Variants in NUTM1 observed in about 807,000 individuals in gnomAD.
NUTM1 encodes NUT family member 1.
A neutral mutation model predicts 88.7 loss-of-function variants in NUTM1; 39 were observed. The observed-to-expected ratio is 0.44, with a 90% CI of 0.34 to 0.57. The LOEUF (loss-of-function observed/expected upper bound fraction) is 0.57. Ranked by LOEUF, NUTM1 falls within the 20% of genes least tolerant of loss-of-function variation. NUTM1 has a pLI of 0.01. For synonymous variants in NUTM1, 494 were observed against 538.0 expected (o/e 0.92, Z 1.13); for missense variants, 1,350 against 1,414.5 (o/e 0.95, Z 0.73).
Position 34,357,231 on chromosome 15 carries a change from G to A in NUTM1, c.3223G>A (p.Gly1075Ser). 3 of 1,614,084 alleles carry A rather than the reference G, an allele frequency of 1.9e-6. No homozygotes were observed. Among genetic ancestry groups the A allele is most frequent in the Non-Finnish European group, 1.7e-6 (2 of 1,180,018 alleles). ...TCCTCACCATGCCTCAGGAGGTCAG[G>A]GCAGCCAGAGAGCATCCCACCTGCT... ...LSPHHASGGQ[G>S]SQRASHLLPA... The change falls in exon 8 of 8, where the codon GGC (glycine) becomes AGC (serine). Residue 1075 changes from glycine to serine, a missense_variant. Coordinates refer to ENST00000537011, the MANE Select transcript of NUTM1 (RefSeq NM_001284292.2).
At position 34,346,881 on chromosome 15, in the gene NUTM1, T is replaced by TAAAAAAAAAAAAAA. The variant is rs10671676; in HGVS notation, c.100+859_100+872dup. Among the ~76,000 whole-genome samples the TAAAAAAAAAAAAAA allele has an allele frequency of 5.8e-5, 2 of 34,324 alleles. 1 individual carries two copies. The highest frequency in any genetic ancestry group is 2.2e-3 in the East Asian group (2 of 892). 22.5% of individuals were successfully genotyped at this position (34,324 alleles called of 152,430 possible). A position where few individuals can be genotyped will look rare whatever the true frequency, so the allele number is the denominator to read the frequency against. On this transcript the variant is annotated intron_variant, in intron 2 of 7. Coordinates refer to ENST00000537011, the MANE Select transcript of NUTM1 (RefSeq NM_001284292.2). The stretch of plus-strand genomic sequence containing the variant: ...ATGGGCCACAGAGCAAGACTCCATC[T>TAAAAAAAAAAAAAA]AAAAAAAAAAAAAAAAAAAAAAAAA...
intron 2 of NUTM1, 57 bp from the exon 3 acceptor site, chr15:34,347,912 G>T: frequency 1.0e-6 from 1 of 984,898 alleles, no homozygotes. Flanking sequence ...AATTCAGATG[G>T]CTAACTCTGG....
In NUTM1 at chr15:34,357,430, G is replaced by T; in HGVS notation, c.3422G>T (p.Arg1141Leu). Residue 1141 changes from arginine to leucine, a missense_variant, in exon 8 of 8, where the codon CGT becomes CTT. Arg to Leu is a moderately radical substitution (Grantham distance 102). Around this residue, in one of 5 missense-constraint regions of NUTM1, gnomAD observed 730 missense variants for 728.8 expected, o/e 1.00. Coordinates refer to ENST00000537011, the MANE Select transcript of NUTM1 (RefSeq NM_001284292.2). ...GGAGTAGTTCGACCCTCACAGCCTC[G>T]TAAAAGGCGGTGTGACAGTTTTGTC... ...ALGVVRPSQP[R>L]KRRCDSFVTG... 4.3e-6 allele frequency: 7 copies of T among 1,613,440 alleles called. No homozygotes were observed. The highest frequency in any genetic ancestry group is 5.9e-6 in the Non-Finnish European group (7 of 1,179,800).
chr15:34,348,668 G>A lies in NUTM1; in HGVS notation c.800G>A (p.Cys267Tyr). 2 of 1,599,540 alleles carry A rather than the reference G, an allele frequency of 1.3e-6. No homozygotes were observed. The highest frequency in any genetic ancestry group is 1.7e-6 in the Non-Finnish European group (2 of 1,175,202). ...AGTCCTGACACAGAAGCTCTTTCCTGTTTTCTTATGTAAGTGGGGAGACCG... is the reference window on the plus strand; with the variant it reads ...AGTCCTGACACAGAAGCTCTTTCCTATTTTCTTATGTAAGTGGGGAGACCG... ...SQSPDTEALS[C>Y]FLIPVLRSLA... Residue 267 changes from cysteine to tyrosine, a missense_variant, in exon 3 of 8, where the codon TGT (cysteine) becomes TAT (tyrosine). Around this residue, in one of 5 missense-constraint regions of NUTM1, gnomAD observed 399 missense variants for 397.9 expected, o/e 1.00. Coordinates refer to ENST00000537011, the MANE Select transcript of NUTM1 (RefSeq NM_001284292.2).
rs2140159663 is a variant in NUTM1 at position 34,355,076 on chromosome 15, A to G, written c.1418A>G (p.Gln473Arg). Residue 473 changes from glutamine (Q) to arginine (R), a missense_variant, in exon 7 of 8, where the codon CAG (glutamine) becomes CGG (arginine). Around this residue, in one of 5 missense-constraint regions of NUTM1, gnomAD observed 126 missense variants for 189.8 expected, o/e 0.66. Coordinates refer to ENST00000537011, the MANE Select transcript of NUTM1 (RefSeq NM_001284292.2). The surrounding 1 kb of genome is among the most constrained non-coding windows in gnomAD (Gnocchi z 4.3). ...GCAGATCTGCTGTCCCCAGAAAAACAGAGAGATCCCTTGGCCTTAATTGAG... is the reference window on the plus strand; with the variant it reads ...GCAGATCTGCTGTCCCCAGAAAAACGGAGAGATCCCTTGGCCTTAATTGAG... Reference protein sequence around the residue: ...FLADLLSPEKQRDPLALIEEL... With the variant: ...FLADLLSPEKRRDPLALIEEL... 3.7e-6 allele frequency: 6 copies of G among 1,614,146 alleles called. No individual in the cohort carries two copies. In the South Asian group the frequency reaches 5.5e-5, roughly 15 times the overall value.
At chr15:34,354,414 C>T (rs1240887123) in intron 5 of NUTM1, 32 bp from the exon 6 acceptor site, 1 of 1,608,338 alleles carries the variant, frequency 6.2e-7, no homozygotes, top group South Asian at 1.1e-5. Context: ...TTCTGTGCTA[C>T]TTCCCATTCT....
At chr15:34,353,263 T>C (rs1286781988) in intron 4 of NUTM1, among the ~76,000 whole-genome samples, 1 of 152,092 alleles carries the variant, frequency 6.6e-6, no homozygotes, top group Non-Finnish European at 1.5e-5. Flanking sequence ...GGCACTGTCA[T>C]GGCTCACTGC....
chr15:34,354,305 C>G, intron 5 of NUTM1, 141 bp from the exon 6 acceptor site: 2 of 971,812 alleles, frequency 2.1e-6, no homozygotes, highest in Non-Finnish European at 3.2e-6. Context: ...GCTGAGCTTA[C>G]AGAGCTGGGA....
chr15:34,344,502 CAAAAAAAAAAA>C (rs780145688), intron 1 of NUTM1, among the ~76,000 whole-genome samples: 2 of 85,752 alleles, frequency 2.3e-5, no homozygotes, highest in African/African-American at 9.0e-5. Flanking sequence ...GATCCTGTCT[CAAAAAAAAAAA>C]AAAAAAAAAA....
At position 34,343,479 on chromosome 15, in the gene NUTM1, C is replaced by A; in HGVS notation, c.-218C>A. On this transcript the variant is annotated 5_prime_UTR_variant, in exon 1 of 8. Transcript: ENST00000537011. ...GGCTCCAGGATTCAGAGCCCCTTTA[C>A]CCTAGGGAAGAAAGAAGAGGTTTTC... 1.8e-6 allele frequency: 2 copies of A among 1,093,462 alleles called. No individual in the cohort carries two copies. The highest frequency in any genetic ancestry group is 1.3e-6 in the Non-Finnish European group (1 of 777,516). The allele number at this position is 1,093,462 out of a possible 1,614,324, so 67.7% of individuals were successfully genotyped here. A position where few individuals can be genotyped will look rare whatever the true frequency, so the allele number is the denominator to read the frequency against.
chr15:34,351,277 T>G (rs1595611041), intron 4 of NUTM1, among the ~76,000 whole-genome samples: 1 of 131,336 alleles, frequency 7.6e-6, no homozygotes, highest in Non-Finnish European at 1.6e-5. Context: ...GATGTTAGGC[T>G]GGGTGTGTGC....
chr15:34,350,961 G>C, intron 4 of NUTM1, 129 bp downstream of exon 4: 1 of 1,176,214 alleles, frequency 8.5e-7, no homozygotes. Flanking sequence ...GCTCACGCCT[G>C]TAATCCCACC....
rs1403994047 is a variant in NUTM1, at chr15:34,355,550, C to T, written c.1542C>T (p.Phe514=). 9 of 1,614,028 alleles carry T rather than the reference C, an allele frequency of 5.6e-6. No homozygotes were observed. The highest frequency in any genetic ancestry group is 7.6e-6 in the Non-Finnish European group (9 of 1,179,852). The change falls in exon 8 of 8, where the codon TTC becomes TTT. Residue 514 remains phenylalanine, a synonymous_variant. Coordinates refer to ENST00000537011, the MANE Select transcript of NUTM1 (RefSeq NM_001284292.2). This position sits in a 1 kb window ranked among gnomAD's most constrained non-coding sequence, Gnocchi z 4.3. ...AAGATGCAGAGGCGCCTCCAAGTTT[C>T]AGTGGCGCTCAGTTGGACTCAAGTC... ...EEEDAEAPPS[F]SGAQLDSSPS...
chr15:34,357,030 A>G lies in NUTM1; in HGVS notation c.3022A>G (p.Arg1008Gly). 6.2e-7 allele frequency: 1 copy of G among 1,614,092 alleles called. No homozygotes were observed. The highest frequency in any genetic ancestry group is 2.2e-5 in the East Asian group (1 of 44,884). Residue 1008 changes from arginine to glycine, a missense_variant, in exon 8 of 8, where the codon AGG becomes GGG. By Grantham distance (125) the Arg-to-Gly change is moderately radical. Around this residue, in one of 5 missense-constraint regions of NUTM1, gnomAD observed 730 missense variants for 728.8 expected, o/e 1.00. Coordinates refer to ENST00000537011, the MANE Select transcript of NUTM1 (RefSeq NM_001284292.2). Reference protein sequence around the residue: ...LGSTLPRRGTRNAIVPRETSV... With the variant: ...LGSTLPRRGTGNAIVPRETSV... ...AAGCACTTTGCCTAGAAGGGGAACC[A>G]GGAATGCCATAGTTCCGAGAGAAAC...
Position 34,355,831 on chromosome 15 carries a change from G to A in NUTM1, c.1823G>A (p.Gly608Asp). ...AAPQGTPGPL[G>D]VERRGSGKVI... ...CCACAGGGAACTCCGGGACCCTTGG[G>A]TGTGGAGAGGAGAGGGTCTGGGAAG... The change falls in exon 8 of 8, where the codon GGT becomes GAT. Residue 608 changes from glycine to aspartate, a missense_variant. By Grantham distance (94) the Gly-to-Asp change is moderately conservative. Transcript: ENST00000537011. This position sits in a 1 kb window ranked among gnomAD's most constrained non-coding sequence, Gnocchi z 4.3. The A allele has an allele frequency of 6.2e-7, 1 of 1,614,162 alleles. No homozygotes were observed. Among genetic ancestry groups the A allele is most frequent in the Non-Finnish European group, 8.5e-7 (1 of 1,180,040 alleles).
In NUTM1 at chr15:34,355,174, C is replaced by A; in HGVS notation, c.1479+37C>A. On this transcript the variant is annotated intron_variant, in intron 7 of 7. Coordinates refer to ENST00000537011, the MANE Select transcript of NUTM1 (RefSeq NM_001284292.2). The surrounding 1 kb of genome is among the most constrained non-coding windows in gnomAD (Gnocchi z 4.3). ...GTATAGGAAATATGAGAACGAGAAG[C>A]TTGCAAGATTTTATCTAACCCTACA... 7.4e-7 allele frequency: 1 copy of A among 1,350,308 alleles called. No homozygotes were observed. Among genetic ancestry groups the A allele is most frequent in the Non-Finnish European group, 1.1e-6 (1 of 940,738 alleles). The allele number at this position is 1,350,308 out of a possible 1,614,324, so 83.6% of individuals were successfully genotyped here.
chr15:34,346,133 C>T (rs1322044511), intron 2 of NUTM1, 98 bp downstream of exon 2: 1 of 1,229,184 alleles, frequency 8.1e-7, no homozygotes, highest in East Asian at 2.3e-5. Flanking sequence ...GTGCTACACC[C>T]CGTCAAAGGT....
intron 3 of NUTM1, among the ~76,000 whole-genome samples, chr15:34,349,020 C>G (rs72720802): frequency 0.18 from 26,818 of 152,058 alleles, 3,062 homozygotes; most frequent in Non-Finnish European, 0.26. Flanking sequence ...GGTCCTCCCC[C>G]CGTTCTATTT....
In NUTM1 at chr15:34,348,205, G is replaced by A. The variant is rs1890638368; in HGVS notation, c.337G>A (p.Ala113Thr). 1.2e-6 allele frequency: 2 copies of A among 1,614,098 alleles called. No homozygotes were observed. The highest frequency in any genetic ancestry group is 1.1e-5 in the South Asian group (1 of 91,092). ...DGGPCLSGAG[A>T]GKVIVKVKTE... ...GGGCCCTTGCCTCAGTGGGGCTGGGGCTGGCAAGGTCATTGTCAAAGTCAA... is the reference window on the plus strand; with the variant it reads ...GGGCCCTTGCCTCAGTGGGGCTGGGACTGGCAAGGTCATTGTCAAAGTCAA... The change falls in exon 3 of 8, where the codon GCT (alanine) becomes ACT (threonine). Residue 113 changes from alanine to threonine, a missense_variant. By Grantham distance (58) the Ala-to-Thr change is moderately conservative. Coordinates refer to ENST00000537011, the MANE Select transcript of NUTM1 (RefSeq NM_001284292.2).
Sources: allele counts gnomAD v4.1 joint callset (sites outside exome capture counted in the v4.1 genomes callset), GRCh38; gene constraint gnomAD v4.1.1; regional missense constraint gnomAD v4.1.1; non-coding constraint Gnocchi (gnomAD v3.1); transcripts MANE v1.5; gene names NCBI Gene and HGNC (gene_info 2026-07-23, HGNC 2026-07-21).